Variants in CDKL1 observed in about 807,000 individuals in gnomAD.
The protein encoded by CDKL1 is cyclin dependent kinase like 1.
Under a neutral mutation model 42.0 loss-of-function variants are expected in CDKL1, and 41 were observed. The observed-to-expected ratio is 0.98, with a 90% CI of 0.76 to 1.27. The LOEUF (loss-of-function observed/expected upper bound fraction) is 1.27, where lower values mean the gene tolerates loss of function less well. Ranked by LOEUF, CDKL1 falls within the 50% of genes most tolerant of loss-of-function variation. The pLI, the probability that CDKL1 is intolerant of heterozygous loss-of-function variation, is 0.00. For synonymous variants in CDKL1, 153 were observed against 158.6 expected, an observed-to-expected ratio of 0.96 and a Z score of 0.26; for missense variants, 394 against 428.4, an observed-to-expected ratio of 0.92 and a Z score of 0.71.
At chr14:50,375,101 A>G (rs2034693260) in intron 2 of CDKL1, among the ~76,000 whole-genome samples, 1 of 152,208 alleles carries the variant, frequency 6.6e-6, no homozygotes, top group South Asian at 2.1e-4. Flanking sequence ...ACTTATTAAA[A>G]AAAATTAAAA....
chr14:50,342,644 T>C (rs2033586352), intron 4 of CDKL1: 1 of 228,484 alleles, frequency 4.4e-6, no homozygotes, highest in Admixed American at 5.3e-5. Context: ...CTGACAGTTT[T>C]AGGTGAAAGG....
intron 2 of CDKL1, among the ~76,000 whole-genome samples, chr14:50,371,682 G>A (rs552142320): frequency 1.3e-5 from 2 of 152,364 alleles, no homozygotes; most frequent in South Asian, 2.1e-4. Context: ...GCTGGCAGGA[G>A]CTGGGAACAG....
rs150473733 is a variant in CDKL1, at chr14:50,381,754, T to TTTTG, written c.168+13943_168+13946dup. ...GTTGGTTTAGAAATTCTGTGTGGTT[T>TTTTG]TTTGTTTGTTTGTTTGTTTGTTTGT... On this transcript the variant is annotated intron_variant, in intron 2 of 9. Coordinates refer to ENST00000395834, the MANE Select transcript of CDKL1 (RefSeq NM_004196.7). Among the ~76,000 whole-genome samples, 177 of 151,134 alleles carry TTTTG rather than the reference T, an allele frequency of 1.2e-3. 1 individual carries two copies. The highest frequency in any genetic ancestry group is 5.3e-3 in the East Asian group (27 of 5,078).
At chr14:50,385,803 C>CAAAA (rs4027866) in intron 2 of CDKL1, among the ~76,000 whole-genome samples, 26 of 77,520 alleles carry the variant, frequency 3.4e-4, no homozygotes, top group Non-Finnish European at 4.2e-4. Context: ...GACTCCGTCC[C>CAAAA]AAAAAAAAAA....
Position 50,328,763 on chromosome 14 carries a change from T to A in CDKL1, c.*1311A>T, listed in dbSNP as rs2032796551. 6.6e-6 allele frequency: 1 copy of A among 151,878 alleles called. No homozygotes were observed. Among genetic ancestry groups the A allele is most frequent in the Non-Finnish European group, 1.5e-5 (1 of 67,996 alleles). The allele number at this position is 151,878 out of a possible 1,614,324, so 9.4% of individuals were successfully genotyped here. On this transcript the variant is annotated 3_prime_UTR_variant, in exon 10 of 10. Coordinates refer to ENST00000395834, the MANE Select transcript of CDKL1 (RefSeq NM_004196.7). ...CCAGCACTTTGGAAGGCCAAGGCGC[T>A]CAGATCACGTGAGCCCAGGAGTTCA...
At chr14:50,394,657 C>A (rs1045333418) in intron 2 of CDKL1, among the ~76,000 whole-genome samples, 3 of 152,352 alleles carry the variant, frequency 2.0e-5, no homozygotes, top group South Asian at 2.1e-4. Context: ...GAGGCCATAA[C>A]TGAAACAAAG....
intron 2 of CDKL1, chr14:50,363,068 G>A: frequency 1.0e-5 from 4 of 396,376 alleles, no homozygotes; most frequent in South Asian, 5.4e-5. Context: ...CAAACACACT[G>A]CCTTAAGAGC....
At chr14:50,351,742 A>C (rs909364815) in intron 3 of CDKL1, among the ~76,000 whole-genome samples, 2 of 152,056 alleles carry the variant, frequency 1.3e-5, no homozygotes, top group African/African-American at 4.8e-5. Context: ...CTCAAAAAAA[A>C]AAAAAAAAAG....
At chr14:50,335,741 A>C in intron 7 of CDKL1, 1 of 985,250 alleles carries the variant, frequency 1.0e-6, no homozygotes, top group Non-Finnish European at 1.2e-6. Flanking sequence ...TGCCGACTGG[A>C]GTGACTGGCC....
At position 50,389,939 on chromosome 14, in the gene CDKL1, C is replaced by A. The variant is rs190000201; in HGVS notation, c.168+5762G>T. ...TGTGTCTGCATTCCAGCTTACTGACCGGGAGGCCTTGGCAAATCATTAACC... is the reference window on the plus strand; with the variant it reads ...TGTGTCTGCATTCCAGCTTACTGACAGGGAGGCCTTGGCAAATCATTAACC... On this transcript the variant is annotated intron_variant, in intron 2 of 9. Transcript: ENST00000395834. 1.8e-3 allele frequency among the ~76,000 whole-genome samples: 267 copies of A among 152,172 alleles called. 1 individual carries two copies. The highest frequency in any genetic ancestry group is 6.8e-3 in the Middle Eastern group (2 of 294).
At chr14:50,332,034 G>C in intron 9 of CDKL1, 1 of 1,539,220 alleles carries the variant, frequency 6.5e-7, no homozygotes, top group Non-Finnish European at 8.7e-7. Flanking sequence ...TGGAAACCCT[G>C]GCCCCTGTGT....
chr14:50,396,996 C>T (rs969564462), upstream of CDKL1: 2 of 1,045,450 alleles, frequency 1.9e-6, no homozygotes, highest in African/African-American at 3.4e-5. Context: ...AGCCCGGCCG[C>T]CCTCCCGGCT....
At chr14:50,367,922 T>C (rs2034477463) in intron 2 of CDKL1, among the ~76,000 whole-genome samples, 2 of 152,366 alleles carry the variant, frequency 1.3e-5, no homozygotes, top group African/African-American at 4.8e-5. Flanking sequence ...GTCTTCCTTT[T>C]ATTTTCTCTT....
At chr14:50,368,318 A>G (rs986121757) in intron 2 of CDKL1, among the ~76,000 whole-genome samples, 3 of 151,420 alleles carry the variant, frequency 2.0e-5, no homozygotes, top group Admixed American at 1.3e-4. Context: ...GTGCAGTGGC[A>G]TGATCATGGC....
intron 2 of CDKL1, among the ~76,000 whole-genome samples, chr14:50,366,700 GA>G (rs2034445360): frequency 6.6e-6 from 1 of 152,220 alleles, no homozygotes; most frequent in Non-Finnish European, 1.5e-5. Flanking sequence ...GCATTGTCTT[GA>G]GATGTATTTT....
Position 50,327,037 on chromosome 14 carries a change from G to T in CDKL1, c.*3037C>A, listed in dbSNP as rs1415173777. ...AGCCTGGTAGCCTGGGTGAAAGGGG[G>T]AGACCCTGTCTCTTAAAAAAAAGGG... On this transcript the variant is annotated 3_prime_UTR_variant, in exon 10 of 10. Coordinates refer to ENST00000395834, the MANE Select transcript of CDKL1 (RefSeq NM_004196.7). 2 of 152,028 alleles carry T rather than the reference G, an allele frequency of 1.3e-5. No homozygotes were observed. Among genetic ancestry groups the T allele is most frequent in the Non-Finnish European group, 2.9e-5 (2 of 68,108 alleles). The allele number at this position is 152,028 out of a possible 1,614,324, so 9.4% of individuals were successfully genotyped here. A position where few individuals can be genotyped will look rare whatever the true frequency, so the allele number is the denominator to read the frequency against.
intron 3 of CDKL1, among the ~76,000 whole-genome samples, chr14:50,349,085 T>A (rs1188681481): frequency 6.6e-6 from 1 of 152,152 alleles, no homozygotes; most frequent in African/African-American, 2.4e-5. Flanking sequence ...GACACACTCA[T>A]GAGTTTCATA....
chr14:50,363,002 A>T (rs1392293087), intron 2 of CDKL1: 1 of 460,940 alleles, frequency 2.2e-6, no homozygotes, highest in Non-Finnish European at 4.5e-6. Context: ...AAAGGGCTGC[A>T]GCTTCACTCT....
At chr14:50,341,320 CCAATTTTGTG>C in intron 5 of CDKL1, 88 bp from the exon 6 acceptor site, 1 of 1,466,614 alleles carries the variant, frequency 6.8e-7, no homozygotes, top group South Asian at 1.5e-5. Flanking sequence ...AAGCCTGTGC[CCAATTTTGTG>C]GCCTTTCTAT....
Sources: allele counts gnomAD v4.1 joint callset (sites outside exome capture counted in the v4.1 genomes callset), GRCh38; gene constraint gnomAD v4.1.1; transcripts MANE v1.5; gene names NCBI Gene and HGNC (gene_info 2026-07-23, HGNC 2026-07-21).